LTBP3: variants seen among roughly 807,000 people sequenced by gnomAD.
The protein encoded by LTBP3 is latent transforming growth factor beta binding protein 3.
A neutral mutation model predicts 159.7 loss-of-function variants in LTBP3; 97 were observed. The ratio of observed to expected loss-of-function variants is 0.61; its 90% CI spans 0.52 to 0.72. The LOEUF (loss-of-function observed/expected upper bound fraction) is 0.72, where lower values mean the gene tolerates loss of function less well. Among genes scored for constraint, LTBP3 ranks in the 30% least tolerant of loss-of-function variants. The probability of loss-of-function intolerance (pLI) is 0.00; values close to 1 mark genes in which losing one functional copy is unlikely to be tolerated. For missense variants in LTBP3, 1,584 were observed against 1,864.3 expected, an observed-to-expected ratio of 0.85 and a Z score of 2.77; for synonymous variants, 824 against 777.1, an observed-to-expected ratio of 1.06 and a Z score of -1.00.
chr11:65,547,078 T>G lies in LTBP3; in HGVS notation c.2108-158A>C, dbSNP rs947596622. ...AGCCGAGCATACAGGCCGGGTGCGG[T>G]GGCACACGGCTGTAATCCCAGCACT... On this transcript the variant is annotated intron_variant, in intron 14 of 27. Coordinates refer to ENST00000301873, the MANE Select transcript of LTBP3 (RefSeq NM_001130144.3). This position sits in a 1 kb window ranked among gnomAD's most constrained non-coding sequence, Gnocchi z 4.6. 6.6e-6 allele frequency among the ~76,000 whole-genome samples: 1 copy of G among 152,148 alleles called. No individual in the cohort carries two copies.
chr11:65,540,765 G>C, intron 21 of LTBP3, 106 bp downstream of exon 21: 1 of 1,487,710 alleles, frequency 6.7e-7, no homozygotes. Context: ...GGTGCGGGCG[G>C]GGCTTACCCG....
chr11:65,543,380 T>A (rs144857884), intron 17 of LTBP3, 47 bp downstream of exon 17: 28 of 1,613,004 alleles, frequency 1.7e-5, no homozygotes, highest in Admixed American at 5.0e-5. Context: ...GTGGGGGTCC[T>A]GGGGTAGGGA....
In LTBP3 at chr11:65,541,148, G is replaced by A. The variant is rs1856118587; in HGVS notation, c.2871C>T (p.Tyr957=). Residue 957 remains tyrosine (Y), a synonymous_variant, in exon 20 of 28, where the codon TAC becomes TAT. Transcript: ENST00000301873. ...GACCTGAGCTGTAGACTGGGCAGGG[G>A]TAGATTTCGCAGTGGTCGCCCCAGC... ...GAGWGDHCEI[Y]PCPVYSSAEF... is the part of the protein sequence containing the mutation. 1 of 1,613,152 alleles carries A rather than the reference G, an allele frequency of 6.2e-7. No homozygotes were observed. The highest frequency in any genetic ancestry group is 8.5e-7 in the Non-Finnish European group (1 of 1,179,966).
chr11:65,548,037 C>T lies in LTBP3; in HGVS notation c.1729G>A (p.Glu577Lys), dbSNP rs1565096309. The change falls in exon 12 of 28, where the codon GAG becomes AAG. Residue 577 changes from glutamate to lysine, a missense_variant. Transcript: ENST00000301873. ...IAPTQVTETD[E>K]CRLNQNICGH... Reference sequence around the variant, plus strand: ...CAGATGTTCTGGTTCAGTCGGCACTCATCAGTCTCTGCGGGCATGGCCAGG... The same window carrying T: ...CAGATGTTCTGGTTCAGTCGGCACTTATCAGTCTCTGCGGGCATGGCCAGG... 4 of 1,613,882 alleles carry T rather than the reference C, an allele frequency of 2.5e-6. No individual in the cohort carries two copies. Among genetic ancestry groups the T allele is most frequent in the Non-Finnish European group, 3.4e-6 (4 of 1,179,968 alleles).
In LTBP3 at chr11:65,539,101, G is replaced by A. The variant is rs1942411269; in HGVS notation, c.3891C>T (p.Cys1297=). 2.7e-6 allele frequency: 4 copies of A among 1,455,320 alleles called. No homozygotes were observed. Among genetic ancestry groups the A allele is most frequent in the East Asian group, 2.9e-5 (1 of 34,172 alleles). The allele number at this position is 1,455,320 out of a possible 1,614,324, so 90.2% of individuals were successfully genotyped here. The part of the protein sequence containing the change: ...GFARSRPHGA[C]VPQRRR ...GGCGTCAGCGGCGGCGCTGGGGAACGCAGGCCCCGTGCGGGCGGCTGCGCG... is the reference window on the plus strand; with the variant it reads ...GGCGTCAGCGGCGGCGCTGGGGAACACAGGCCCCGTGCGGGCGGCTGCGCG... The change falls in exon 28 of 28, where the codon TGC becomes TGT. Residue 1297 remains cysteine (C), a synonymous_variant. Transcript: ENST00000301873.
Position 65,540,464 on chromosome 11 carries a change from G to T in LTBP3, c.3106+22C>A, listed in dbSNP as rs1023079414. ...CGTGTCTCCCTGCCGCTTCCCCACG[G>T]CCGCCGGGGGGCGGAGCTCACCCAC... On this transcript the variant is annotated intron_variant, in intron 22 of 27. Transcript: ENST00000301873. 10 of 1,612,768 alleles carry T rather than the reference G, an allele frequency of 6.2e-6. No individual in the cohort carries two copies. In the African/African-American group the frequency reaches 8.0e-5, roughly 13 times the overall value.
chr11:65,546,738 A>C lies in LTBP3; in HGVS notation c.2230+60T>G. On this transcript the variant is annotated intron_variant, in intron 15 of 27. Transcript: ENST00000301873. The surrounding 1 kb of genome is among the most constrained non-coding windows in gnomAD (Gnocchi z 4.0). ...CGCTACCCCGCCCCGCCCCCAGCGG[A>C]GCCAGACTGGGGGAGGCACCTGACG... The C allele has an allele frequency of 7.5e-6, 6 of 801,618 alleles. No individual in the cohort carries two copies. The highest frequency in any genetic ancestry group is 1.2e-5 in the Non-Finnish European group (6 of 516,822). 49.7% of individuals were successfully genotyped at this position (801,618 alleles called of 1,614,324 possible). A position where few individuals can be genotyped will look rare whatever the true frequency, so the allele number is the denominator to read the frequency against.
chr11:65,543,704 C>G, intron 16 of LTBP3, 155 bp from the exon 17 acceptor site: 1 of 964,040 alleles, frequency 1.0e-6, no homozygotes, highest in Non-Finnish European at 1.6e-6. Context: ...GCACACAGTG[C>G]CCTGACGACC....
chr11:65,557,458 C>G (rs965638778), intron 1 of LTBP3, among the ~76,000 whole-genome samples, 171 bp downstream of exon 1: 1 of 152,002 alleles, frequency 6.6e-6, no homozygotes, highest in African/African-American at 2.4e-5. Flanking sequence ...CAACTCTGGC[C>G]CCCAGAGTTC....
Position 65,543,567 on chromosome 11 carries a change from T to A in LTBP3, c.2354-18A>T. On this transcript the variant is annotated intron_variant, in intron 16 of 27. Transcript: ENST00000301873. ...GTCCACATCTGCAGGGCATAGGGGG[T>A]GTCAGAGGACCAGGCTGGGTGGTCT... 6.2e-7 allele frequency: 1 copy of A among 1,613,780 alleles called. No homozygotes were observed. The highest frequency in any genetic ancestry group is 8.5e-7 in the Non-Finnish European group (1 of 1,179,870).
rs1185213288 is a variant in LTBP3 at position 65,540,280 on chromosome 11, G to A, written c.3209C>T (p.Pro1070Leu). The A allele has an allele frequency of 2.6e-6, 4 of 1,555,882 alleles. No individual in the cohort carries two copies. Among genetic ancestry groups the A allele is most frequent in the Non-Finnish European group, 3.5e-6 (4 of 1,149,668 alleles). The change falls in exon 23 of 28, where the codon CCC (proline) becomes CTC (leucine). Residue 1070 changes from proline to leucine, a missense_variant. This residue lies in a region of LTBP3 where 514 missense variants were observed against 530.3 expected (regional missense o/e 0.97). Transcript: ENST00000301873. ...CGGGCTCAGGCACTGGCGCTGCGCG[G>A]GACTGTACTCGGCAGGGGGCGTGCA... ...CACTPPAEYS[P>L]AQRQCLSPEE...
rs1041516172 is a variant in LTBP3, at chr11:65,547,634, C to T, written c.1978+56G>A. Reference sequence around the variant, plus strand: ...GCGGGCAAGGGGAGGGATTACACGGCGGTCTGGAGGAGAGCCCGTCCCACC... The same window carrying T: ...GCGGGCAAGGGGAGGGATTACACGGTGGTCTGGAGGAGAGCCCGTCCCACC... On this transcript the variant is annotated intron_variant, in intron 13 of 27. Coordinates refer to ENST00000301873, the MANE Select transcript of LTBP3 (RefSeq NM_001130144.3). The surrounding 1 kb of genome is among the most constrained non-coding windows in gnomAD (Gnocchi z 4.6). 37 of 1,608,592 alleles carry T rather than the reference C, an allele frequency of 2.3e-5. No homozygotes were observed. The highest frequency in any genetic ancestry group is 8.9e-5 in the East Asian group (4 of 44,802).
At chr11:65,550,975 A>T (rs906528885) in intron 11 of LTBP3, 151 bp downstream of exon 11, 2 of 699,836 alleles carry the variant, frequency 2.9e-6, no homozygotes, top group African/African-American at 3.5e-5. Context: ...GGGCAGTGGG[A>T]TCTCTGGTGC....
In LTBP3 at chr11:65,541,702, T is replaced by C. The variant is rs1469417428; in HGVS notation, c.2623A>G (p.Ser875Gly). 6.2e-7 allele frequency: 1 copy of C among 1,613,990 alleles called. No homozygotes were observed. The highest frequency in any genetic ancestry group is 1.1e-5 in the South Asian group (1 of 91,088). ...QDIDECSQDP[S>G]LCLPHGACKN... Reference sequence around the variant, plus strand: ...CAGGCCCCATGGGGAAGGCACAGGCTCGGGTCCTGGCTGCACTCATCTATG... The same window carrying C: ...CAGGCCCCATGGGGAAGGCACAGGCCCGGGTCCTGGCTGCACTCATCTATG... Residue 875 changes from serine (S) to glycine (G), a missense_variant, in exon 19 of 28, where the codon AGC becomes GGC. This residue lies in a region of LTBP3 where 565 missense variants were observed against 677.7 expected (regional missense o/e 0.83). Coordinates refer to ENST00000301873, the MANE Select transcript of LTBP3 (RefSeq NM_001130144.3).
intron 18 of LTBP3, 105 bp downstream of exon 18, chr11:65,543,000 G>C: frequency 7.0e-7 from 1 of 1,433,250 alleles, no homozygotes; most frequent in Non-Finnish European, 9.7e-7. Context: ...ATGGATGAAG[G>C]ATGGTTGGAT....
Position 65,558,341 on chromosome 11 carries a change from G to GCGGA in LTBP3, c.-383_-382insTCCG, listed in dbSNP as rs1335211325. ...CCGCGGGGAGGCAGGGAGCGCGCGG[G>GCGGA]GAGGGCTCAGGGAGAAGTGAGCAGT... On this transcript the variant is annotated 5_prime_UTR_variant, in exon 1 of 28. Coordinates refer to ENST00000301873, the MANE Select transcript of LTBP3 (RefSeq NM_001130144.3). 2 of 301,890 alleles carry GCGGA rather than the reference G, an allele frequency of 6.6e-6. No individual in the cohort carries two copies. The highest frequency in any genetic ancestry group is 1.1e-5 in the Non-Finnish European group (2 of 189,162). The allele number at this position is 301,890 out of a possible 1,614,324, so 18.7% of individuals were successfully genotyped here.
chr11:65,552,487 C>G lies in LTBP3; in HGVS notation c.1187-81G>C. Reference sequence around the variant, plus strand: ...TCTGCCCAGCTGCTGCAGACCTTGCCTCTCCGGCCCAGACAACCCTTGATC... The same window carrying G: ...TCTGCCCAGCTGCTGCAGACCTTGCGTCTCCGGCCCAGACAACCCTTGATC... On this transcript the variant is annotated intron_variant, in intron 6 of 27. Coordinates refer to ENST00000301873, the MANE Select transcript of LTBP3 (RefSeq NM_001130144.3). The surrounding 1 kb of genome is among the most constrained non-coding windows in gnomAD (Gnocchi z 6.0). 6.4e-7 allele frequency: 1 copy of G among 1,555,682 alleles called. No homozygotes were observed. The highest frequency in any genetic ancestry group is 1.7e-5 in the Admixed American group (1 of 58,000).
chr11:65,557,512 G>C lies in LTBP3; in HGVS notation c.331+117C>G, dbSNP rs558843523. ...GAGGCCCCTGGTCCCCCAGGCCCTC[G>C]GATCTCTGCCCTTTATACCCTCAGC... On this transcript the variant is annotated intron_variant, in intron 1 of 27. Coordinates refer to ENST00000301873, the MANE Select transcript of LTBP3 (RefSeq NM_001130144.3). 62 of 1,426,600 alleles carry C rather than the reference G, an allele frequency of 4.3e-5. No individual in the cohort carries two copies. In the African/African-American group the frequency reaches 8.3e-4, roughly 19 times the overall value. 88.4% of individuals were successfully genotyped at this position (1,426,600 alleles called of 1,614,324 possible). A position where few individuals can be genotyped will look rare whatever the true frequency, so the allele number is the denominator to read the frequency against.
chr11:65,546,782 C>T lies in LTBP3; in HGVS notation c.2230+16G>A, dbSNP rs1368899291. On this transcript the variant is annotated intron_variant, in intron 15 of 27. Transcript: ENST00000301873. This position sits in a 1 kb window ranked among gnomAD's most constrained non-coding sequence, Gnocchi z 4.0. Reference sequence around the variant, plus strand: ...CCTGACGGCCCCACCCACTCGGCTCCGGGCCCCGCCCTCACCGCGACAGGC... The same window carrying T: ...CCTGACGGCCCCACCCACTCGGCTCTGGGCCCCGCCCTCACCGCGACAGGC... The T allele has an allele frequency of 6.3e-7, 1 of 1,594,336 alleles. No homozygotes were observed. The highest frequency in any genetic ancestry group is 2.2e-5 in the East Asian group (1 of 44,698).
Sources: gnomAD v4.1 joint callset for allele counts (sites outside exome capture counted in the v4.1 genomes callset) on GRCh38, gnomAD v4.1.1 for gene constraint, gnomAD v4.1.1 regional missense constraint, Gnocchi (gnomAD v3.1) non-coding constraint, MANE v1.5 for transcripts, NCBI Gene and HGNC (gene_info 2026-07-23, HGNC 2026-07-21) for gene names.